CREB5: variants seen among roughly 807,000 people sequenced by gnomAD.
CREB5 encodes cAMP responsive element binding protein 5.
A neutral mutation model predicts 57.1 loss-of-function variants in CREB5; 19 were observed. The ratio of observed to expected loss-of-function variants is 0.33; its 90% CI spans 0.23 to 0.49. The LOEUF (loss-of-function observed/expected upper bound fraction) is 0.49, where lower values mean the gene tolerates loss of function less well. Among genes scored for constraint, CREB5 ranks in the 20% least tolerant of loss-of-function variants. The pLI, the probability that CREB5 is intolerant of heterozygous loss-of-function variation, is 0.99. For missense variants in CREB5, 579 were observed against 671.6 expected (o/e 0.86, Z 1.52); for synonymous variants, 238 against 238.3 (o/e 1.00, Z 0.01).
chr7:28,577,704 T>C (rs1010785871), intron 5 of CREB5, among the ~76,000 whole-genome samples: 4 of 152,206 alleles, frequency 2.6e-5, no homozygotes, highest in Admixed American at 2.6e-4. Flanking sequence ...AGGTTTAAGT[T>C]TTTTCACCTT....
chr7:28,729,413 T>C (rs569774759), intron 7 of CREB5, among the ~76,000 whole-genome samples: 1 of 151,942 alleles, frequency 6.6e-6, no homozygotes, highest in African/African-American at 2.4e-5. Context: ...ACTAGGGAGG[T>C]ATGGTGAGCA....
intron 7 of CREB5, among the ~76,000 whole-genome samples, chr7:28,762,783 A>G (rs1051715455): frequency 2.6e-5 from 4 of 151,890 alleles, no homozygotes; most frequent in African/African-American, 9.7e-5. Flanking sequence ...ATACAATATG[A>G]AACTGAGAGA....
intron 5 of CREB5, among the ~76,000 whole-genome samples, chr7:28,616,834 A>G (rs963102047): frequency 6.6e-6 from 1 of 152,258 alleles, no homozygotes; most frequent in Admixed American, 6.5e-5. Context: ...GATGACCAAC[A>G]GATACCAAGT....
intron 5 of CREB5, among the ~76,000 whole-genome samples, chr7:28,623,205 A>T (rs1476736497): frequency 3.9e-5 from 6 of 152,174 alleles, no homozygotes; most frequent in Non-Finnish European, 8.8e-5. Flanking sequence ...TTATAGGAGG[A>T]TGCATGGAAT....
chr7:28,724,401 A>G, intron 7 of CREB5, 69 bp downstream of exon 7: 1 of 1,348,694 alleles, frequency 7.4e-7, no homozygotes, highest in Non-Finnish European at 1.0e-6. Flanking sequence ...CTCTGACTCC[A>G]AAACCTTAGT....
chr7:28,621,977 C>T (rs368551084), intron 5 of CREB5, among the ~76,000 whole-genome samples: 2 of 152,098 alleles, frequency 1.3e-5, no homozygotes, highest in Non-Finnish European at 2.9e-5. Flanking sequence ...AATTTGTTAG[C>T]GAATAGATGA....
chr7:28,611,033 A>G (rs2128677056), intron 5 of CREB5, among the ~76,000 whole-genome samples: 1 of 152,066 alleles, frequency 6.6e-6, no homozygotes, highest in East Asian at 1.9e-4. Context: ...TGAGACATTT[A>G]AGAGAACTGT....
chr7:28,672,227 AG>A (rs1386852251), intron 5 of CREB5, among the ~76,000 whole-genome samples: 1 of 150,880 alleles, frequency 6.6e-6, no homozygotes, highest in Non-Finnish European at 1.5e-5. Context: ...ACACTGGACT[AG>A]GTTTTAAAAG....
rs577080783 is a variant in CREB5 at position 28,440,473 on chromosome 7, G to A, written c.3+27556G>A. The stretch of plus-strand genomic sequence containing the variant: ...TGCTGGAAGCCACTGCAGTGGTACC[G>A]CCAGTTGCATGATATATTGCAGCCT... On this transcript the variant is annotated intron_variant, in intron 1 of 10. Coordinates refer to ENST00000357727, the MANE Select transcript of CREB5 (RefSeq NM_182898.4). Among the ~76,000 whole-genome samples the A allele has an allele frequency of 3.3e-5, 5 of 152,236 alleles. 1 individual carries two copies. Among genetic ancestry groups the A allele is most frequent in the South Asian group, 2.1e-4 (1 of 4,826 alleles).
At chr7:28,560,945 T>TGTGCGCGTGC (rs1795205591) in intron 4 of CREB5, among the ~76,000 whole-genome samples, 1 of 23,776 alleles carries the variant, frequency 4.2e-5, no homozygotes, top group Non-Finnish European at 8.5e-5. Flanking sequence ...TGCGTGCGTG[T>TGTGCGCGTGC]GTGTGCGTGT....
rs185873647 is a variant in CREB5 at position 28,379,932 on chromosome 7, C to T, written c.-25+80491C>T. ...TTGCTTTGTTTCTCGCTCTGTCACC[C>T]AGGCTGCAGTGCAGTGATATAATCA... On this transcript the variant is annotated intron_variant, in intron 1 of 9. Coordinates refer to the CREB5 transcript ENST00000396299. Among the ~76,000 whole-genome samples, 27 of 152,276 alleles carry T rather than the reference C, an allele frequency of 1.8e-4. No individual in the cohort carries two copies. The East Asian group carries it at 1.9e-3, about 11-fold the overall frequency.
At chr7:28,389,682 G>C (rs1041040880) in intron 1 of CREB5, among the ~76,000 whole-genome samples, 2 of 150,364 alleles carry the variant, frequency 1.3e-5, no homozygotes, top group African/African-American at 4.9e-5. Flanking sequence ...CTGCTTAGAA[G>C]TCGTTAGATT....
chr7:28,374,265 T>C (rs2127994592), intron 1 of CREB5, among the ~76,000 whole-genome samples: 1 of 152,330 alleles, frequency 6.6e-6, no homozygotes, highest in South Asian at 2.1e-4. Flanking sequence ...CCTACATTGC[T>C]GGTGGGAATG....
chr7:28,375,542 C>T lies in CREB5; in HGVS notation c.-25+76101C>T, dbSNP rs145042836. Among the ~76,000 whole-genome samples, 389 of 151,514 alleles carry T rather than the reference C, an allele frequency of 2.6e-3. 1 individual carries two copies. Among genetic ancestry groups the T allele is most frequent in the African/African-American group, 8.5e-3 (351 of 41,252 alleles). Reference sequence around the variant, plus strand: ...TTGCTTGTAACACAAAGGATAAATGCTTGAGGGGATGGGTACCCCATTTTT... The same window carrying T: ...TTGCTTGTAACACAAAGGATAAATGTTTGAGGGGATGGGTACCCCATTTTT... On this transcript the variant is annotated intron_variant, in intron 1 of 9. Transcript: ENST00000396299.
intron 1 of CREB5, among the ~76,000 whole-genome samples, chr7:28,368,040 A>G (rs1282466404): frequency 6.6e-6 from 1 of 152,162 alleles, no homozygotes; most frequent in Non-Finnish European, 1.5e-5. Flanking sequence ...GTGTCTTTTC[A>G]TATTGTCAGT....
chr7:28,499,948 G>A (rs1430746031), intron 3 of CREB5, among the ~76,000 whole-genome samples: 1 of 152,162 alleles, frequency 6.6e-6, no homozygotes, highest in African/African-American at 2.4e-5. Flanking sequence ...TAATGCTATA[G>A]GCAACTGGTC....
At chr7:28,557,618 G>A in intron 4 of CREB5, among the ~76,000 whole-genome samples, 1 of 152,184 alleles carries the variant, frequency 6.6e-6, no homozygotes, top group East Asian at 1.9e-4. Flanking sequence ...AGGAGGCAGA[G>A]CTGTAATTTC....
At chr7:28,316,121 C>T (rs951236452) in intron 1 of CREB5, among the ~76,000 whole-genome samples, 3 of 152,134 alleles carry the variant, frequency 2.0e-5, no homozygotes, top group African/African-American at 7.2e-5. Flanking sequence ...GGGTGGGATG[C>T]CATTGCGATT....
chr7:28,821,593 A>G lies in CREB5; in HGVS notation c.*2314A>G, dbSNP rs2128811099. 1 of 152,284 alleles carries G rather than the reference A, an allele frequency of 6.6e-6. No homozygotes were observed. The highest frequency in any genetic ancestry group is 2.4e-5 in the African/African-American group (1 of 41,586). 9.4% of individuals were successfully genotyped at this position (152,284 alleles called of 1,614,324 possible). A position where few individuals can be genotyped will look rare whatever the true frequency, so the allele number is the denominator to read the frequency against. On this transcript the variant is annotated 3_prime_UTR_variant, in exon 11 of 11. Coordinates refer to ENST00000357727, the MANE Select transcript of CREB5 (RefSeq NM_182898.4). The stretch of plus-strand genomic sequence containing the variant: ...TGAATTCATAGTTGTTGTTTTTTAA[A>G]TTCCAACAGTAACAGCTGAATGGTT...
Sources: allele counts gnomAD v4.1 joint callset (sites outside exome capture counted in the v4.1 genomes callset), GRCh38; gene constraint gnomAD v4.1.1; transcripts MANE v1.5; gene names NCBI Gene and HGNC (gene_info 2026-07-23, HGNC 2026-07-21).